The following TMEM217B variants were observed in gnomAD, a reference collection of about 807,000 sequenced individuals.
The protein encoded by TMEM217B is transmembrane protein 217B.
At chr6:37,218,378 C>A in the TMEM217B span, 1 of 1,424,852 alleles carries the variant, frequency 7.0e-7, no homozygotes, top group Admixed American at 2.1e-5. Context: ...GCCATGGCTG[C>A]CAAGGCCAGG....
chr6:37,249,325 T>G, the TMEM217B span, among the ~76,000 whole-genome samples: 8 of 152,062 alleles, frequency 5.3e-5, no homozygotes. Flanking sequence ...TTCTTCTTCT[T>G]TTTTTGAGGG....
At chr6:37,233,805 CCTAA>C in the TMEM217B span, among the ~76,000 whole-genome samples, 1 of 152,092 alleles carries the variant, frequency 6.6e-6, no homozygotes, top group Non-Finnish European at 1.5e-5. Flanking sequence ...TAACTAAGTC[CCTAA>C]CTAACTTAAG....
chr6:37,253,720 C>T, the TMEM217B span, among the ~76,000 whole-genome samples: 4 of 152,124 alleles, frequency 2.6e-5, no homozygotes, highest in African/African-American at 9.7e-5. Flanking sequence ...TAAAGTCTGC[C>T]AGGGATCTCT....
At chr6:37,216,534 G>A in the TMEM217B span, among the ~76,000 whole-genome samples, 1 of 152,114 alleles carries the variant, frequency 6.6e-6, no homozygotes, top group African/African-American at 2.4e-5. Context: ...TTTGGGGCCT[G>A]GGGCTGTGGA....
the TMEM217B span, among the ~76,000 whole-genome samples, chr6:37,240,432 T>C: frequency 5.9e-5 from 9 of 152,142 alleles, no homozygotes; most frequent in African/African-American, 2.2e-4. Context: ...CTCCTGGGCC[T>C]TTCTATAGTC....
At chr6:37,226,546 C>T in the TMEM217B span, among the ~76,000 whole-genome samples, 3 of 151,698 alleles carry the variant, frequency 2.0e-5, no homozygotes, top group Admixed American at 6.6e-5. Context: ...ATCCGCCCGC[C>T]TCGGCCACCC....
At chr6:37,217,421 C>A in the TMEM217B span, among the ~76,000 whole-genome samples, 2 of 152,220 alleles carry the variant, frequency 1.3e-5, no homozygotes, top group African/African-American at 4.8e-5. Flanking sequence ...CAATAATTTA[C>A]TTTCTTCCAC....
chr6:37,215,923 A>C, the TMEM217B span, among the ~76,000 whole-genome samples: 1 of 152,142 alleles, frequency 6.6e-6, no homozygotes, highest in Admixed American at 6.6e-5. Flanking sequence ...CAGGGGCCAG[A>C]TCAGGAAGGA....
At chr6:37,226,355 C>T in the TMEM217B span, among the ~76,000 whole-genome samples, 2 of 131,824 alleles carry the variant, frequency 1.5e-5, no homozygotes, top group African/African-American at 5.8e-5. Context: ...TGCAGTGGCG[C>T]TATCTTGGCT....
At chr6:37,212,625 G>C in the TMEM217B span, 1 of 514,948 alleles carries the variant, frequency 1.9e-6, no homozygotes, top group South Asian at 1.5e-5. Context: ...TCAGCGTCTT[G>C]AAGTGATCTT....
the TMEM217B span, among the ~76,000 whole-genome samples, chr6:37,242,304 G>C: frequency 6.6e-6 from 1 of 152,186 alleles, no homozygotes; most frequent in Non-Finnish European, 1.5e-5. Context: ...GGCAGAACCT[G>C]TACCTCTCTA....
At chr6:37,241,822 T>C in the TMEM217B span, among the ~76,000 whole-genome samples, 1 of 152,226 alleles carries the variant, frequency 6.6e-6, no homozygotes, top group African/African-American at 2.4e-5. Context: ...TTAAAAAAGT[T>C]ATTGAGATAA....
chr6:37,257,818 C>T, the TMEM217B span: 8 of 1,350,770 alleles, frequency 5.9e-6, no homozygotes, highest in Non-Finnish European at 8.1e-6. Flanking sequence ...TGACCGGCGG[C>T]GGGGAAGCGG....
the TMEM217B span, among the ~76,000 whole-genome samples, chr6:37,251,250 A>G: frequency 1.3e-5 from 2 of 151,992 alleles, no homozygotes; most frequent in Non-Finnish European, 2.9e-5. Context: ...TGAGGGAGGC[A>G]CATCTCACAT....
At chr6:37,226,281 C>CT in the TMEM217B span, among the ~76,000 whole-genome samples, 1,793 of 74,884 alleles carry the variant, frequency 0.024, 586 homozygotes, top group African/African-American at 0.028. Context: ...TTGAGACAGT[C>CT]TTTTTTTTTT....
chr6:37,238,190 A>G, the TMEM217B span, among the ~76,000 whole-genome samples: 1 of 151,252 alleles, frequency 6.6e-6, no homozygotes. Context: ...CAAGGATAGT[A>G]ACATTTACCT....
chr6:37,217,701 G>T, the TMEM217B span: 9 of 985,210 alleles, frequency 9.1e-6, no homozygotes, highest in Non-Finnish European at 1.1e-5. Flanking sequence ...ACACAGTGGG[G>T]AAATCATAGC....
the TMEM217B span, among the ~76,000 whole-genome samples, chr6:37,226,963 TTTATAC>T: frequency 1.9e-3 from 297 of 152,370 alleles, 1 homozygote; most frequent in African/African-American, 6.3e-3. Context: ...ATTTAAATAT[TTTATAC>T]TTATAACAAT....
the TMEM217B span, among the ~76,000 whole-genome samples, chr6:37,255,267 A>G: frequency 6.6e-6 from 1 of 152,190 alleles, no homozygotes; most frequent in Non-Finnish European, 1.5e-5. Flanking sequence ...ATGAGACTGG[A>G]GAGGTGAGTG....
Sources: allele counts gnomAD v4.1 joint callset (sites outside exome capture counted in the v4.1 genomes callset), GRCh38; gene constraint gnomAD v4.1.1; transcripts MANE v1.5; gene names NCBI Gene and HGNC (gene_info 2026-07-23, HGNC 2026-07-21).